Variants in TDRD5 observed in about 807,000 individuals in gnomAD.
TDRD5 encodes the protein tudor domain-containing protein 5.
A neutral mutation model predicts 120.6 loss-of-function variants in TDRD5; 41 were observed. That is an observed-to-expected ratio of 0.34 (90% CI 0.26 to 0.44). The LOEUF (loss-of-function observed/expected upper bound fraction) is 0.44, where lower values mean the gene tolerates loss of function less well. Among genes scored for constraint, TDRD5 ranks in the 20% least tolerant of loss-of-function variants. TDRD5 has a pLI of 1.00. For missense variants in TDRD5, 1,006 were observed against 1,221.2 expected (o/e 0.82, Z 2.63); for synonymous variants, 430 against 433.7 (o/e 0.99, Z 0.11).
chr1:179,647,083 A>G (rs36185880), intron 11 of TDRD5, among the ~76,000 whole-genome samples: 49,562 of 148,672 alleles, frequency 0.33, 8,519 homozygotes, highest in Admixed American at 0.41. Flanking sequence ...CTTTCTTCAC[A>G]GAATTGGAAA....
At position 179,645,330 on chromosome 1, in the gene TDRD5, C is replaced by T. The variant is rs547998923; in HGVS notation, c.1800+4885C>T. 2.2e-3 allele frequency among the ~76,000 whole-genome samples: 333 copies of T among 151,984 alleles called. 6 individuals carry two copies. Among genetic ancestry groups the T allele is most frequent in the African/African-American group, 7.6e-3 (314 of 41,466 alleles). On this transcript the variant is annotated intron_variant, in intron 11 of 17. Transcript: ENST00000444136. ...TCGATCTCCTGACCTCGTGATCCGC[C>T]CGCCTCGGCCTCCCAAAGTGCTGGG...
intron 11 of TDRD5, among the ~76,000 whole-genome samples, chr1:179,649,457 A>T (rs948480298): frequency 8.6e-5 from 13 of 151,658 alleles, no homozygotes; most frequent in Non-Finnish European, 8.8e-5. Context: ...ATTCTGGGAA[A>T]TTTTTTTCAA....
chr1:179,614,465 G>A (rs12040808), intron 4 of TDRD5, among the ~76,000 whole-genome samples: 1 of 152,024 alleles, frequency 6.6e-6, no homozygotes, highest in Non-Finnish European at 1.5e-5. Context: ...TCTTGCTCAA[G>A]TATGCACACA....
At chr1:179,605,908 T>G (rs1445208738) in intron 4 of TDRD5, among the ~76,000 whole-genome samples, 1 of 152,138 alleles carries the variant, frequency 6.6e-6, no homozygotes, top group Non-Finnish European at 1.5e-5. Flanking sequence ...TAAACGTGTG[T>G]GGGTTTTTTG....
chr1:179,659,833 G>A (rs1443446229), intron 14 of TDRD5, among the ~76,000 whole-genome samples: 1 of 151,888 alleles, frequency 6.6e-6, no homozygotes, highest in East Asian at 1.9e-4. Flanking sequence ...GAGTAGCTGG[G>A]ATTACAGGTG....
intron 6 of TDRD5, among the ~76,000 whole-genome samples, chr1:179,628,552 C>T (rs1033861376): frequency 3.3e-5 from 5 of 151,718 alleles, no homozygotes; most frequent in African/African-American, 1.2e-4. Context: ...GCAGTCCCTC[C>T]TGCCTCAGCC....
intron 16 of TDRD5, among the ~76,000 whole-genome samples, chr1:179,664,207 G>T (rs1679452794): frequency 6.6e-6 from 1 of 152,196 alleles, no homozygotes; most frequent in East Asian, 1.9e-4. Context: ...TCATAGAATG[G>T]TCTCTTCCAG....
intron 14 of TDRD5, among the ~76,000 whole-genome samples, chr1:179,660,431 A>T (rs570116678): frequency 3.6e-4 from 55 of 151,896 alleles, no homozygotes; most frequent in African/African-American, 1.3e-3. Flanking sequence ...CGTGTTATCC[A>T]GGATGGTCTC....
chr1:179,630,370 G>A (rs754209539), intron 6 of TDRD5, among the ~76,000 whole-genome samples: 23 of 152,158 alleles, frequency 1.5e-4, no homozygotes, highest in African/African-American at 3.6e-4. Context: ...TGTACATGTC[G>A]GAAGTGATAT....
Position 179,651,013 on chromosome 1 carries a change from T to C in TDRD5, c.1947T>C (p.His649=), listed in dbSNP as rs376854480. 2.2e-5 allele frequency: 35 copies of C among 1,614,072 alleles called. No individual in the cohort carries two copies. The highest frequency in any genetic ancestry group is 2.4e-5 in the Non-Finnish European group (28 of 1,180,026). The change falls in exon 12 of 18, where the codon CAT becomes CAC. Residue 649 remains histidine (H), a synonymous_variant. Transcript: ENST00000444136. ...TSSNEDVYFH[H]VLRTEGHAIV... ...CAAACGAAGATGTCTATTTCCATCA[T>C]GTCTTGAGAACAGAGGGCCATGCTA...
chr1:179,619,624 A>C (rs1572354210), intron 5 of TDRD5, among the ~76,000 whole-genome samples: 1 of 147,260 alleles, frequency 6.8e-6, no homozygotes, highest in African/African-American at 2.6e-5. Context: ...ATTCAATATG[A>C]CTTTTTTTTT....
chr1:179,663,252 T>A, intron 15 of TDRD5, 96 bp from the exon 16 acceptor site: 1 of 1,355,064 alleles, frequency 7.4e-7, no homozygotes, highest in Non-Finnish European at 1.0e-6. Flanking sequence ...TTTAAAAATA[T>A]GTATTGCTTT....
At chr1:179,615,331 G>A (rs554543500) in intron 4 of TDRD5, among the ~76,000 whole-genome samples, 1 of 152,144 alleles carries the variant, frequency 6.6e-6, no homozygotes, top group South Asian at 2.1e-4. Context: ...ATAATTTGAT[G>A]GGCAAATAAC....
chr1:179,682,679 T>C (rs908928644), intron 17 of TDRD5, among the ~76,000 whole-genome samples: 2 of 152,124 alleles, frequency 1.3e-5, no homozygotes, highest in Admixed American at 1.3e-4. Flanking sequence ...AGATGCAGTT[T>C]AATTTCCCTT....
At chr1:179,659,296 C>T (rs1679161099) in intron 14 of TDRD5, among the ~76,000 whole-genome samples, 1 of 152,028 alleles carries the variant, frequency 6.6e-6, no homozygotes, top group South Asian at 2.1e-4. Flanking sequence ...TGCTATCTAC[C>T]GATTTTGTTG....
intron 4 of TDRD5, among the ~76,000 whole-genome samples, chr1:179,606,171 T>A (rs549836466): frequency 4.5e-4 from 68 of 152,004 alleles, no homozygotes; most frequent in African/African-American, 1.5e-3. Flanking sequence ...GCTGTTTTAA[T>A]TTGAAATCCC....
In TDRD5 at chr1:179,593,780, G is replaced by A. The variant is rs1191018135; in HGVS notation, c.553G>A (p.Val185Ile). 1 of 1,614,138 alleles carries A rather than the reference G, an allele frequency of 6.2e-7. No homozygotes were observed. The highest frequency in any genetic ancestry group is 8.5e-7 in the Non-Finnish European group (1 of 1,180,054). ...TGAAGTGCTTAATGCGGCTTCAGATGTCATTTCTGTAGAGCAGACCAGAGC... is the reference window on the plus strand; with the variant it reads ...TGAAGTGCTTAATGCGGCTTCAGATATCATTTCTGTAGAGCAGACCAGAGC... ...MFEVLNAASD[V>I]ISVEQTRAGS... Residue 185 changes from valine to isoleucine, a missense_variant, in exon 3 of 18, where the codon GTC (valine) becomes ATC (isoleucine). Val to Ile is a conservative substitution (Grantham distance 29). Coordinates refer to ENST00000444136, the MANE Select transcript of TDRD5 (RefSeq NM_001199085.3).
chr1:179,669,117 A>G, intron 16 of TDRD5, 77 bp from the exon 17 acceptor site: 3 of 1,285,978 alleles, frequency 2.3e-6, no homozygotes, highest in South Asian at 1.4e-5. Flanking sequence ...TATTTTGCTT[A>G]TAAGTAAGGA....
At chr1:179,595,171 C>G (rs1572320618) in intron 3 of TDRD5, among the ~76,000 whole-genome samples, 1 of 152,126 alleles carries the variant, frequency 6.6e-6, no homozygotes, top group African/African-American at 2.4e-5. Flanking sequence ...GTGGTATTCC[C>G]CCTTCCTACA....
Sources: allele counts gnomAD v4.1 joint callset (sites outside exome capture counted in the v4.1 genomes callset), GRCh38; gene constraint gnomAD v4.1.1; transcripts MANE v1.5; gene names NCBI Gene and HGNC (gene_info 2026-07-23, HGNC 2026-07-21).